The following KHDRBS3 variants were observed in gnomAD, a reference collection of about 807,000 sequenced individuals.
The protein encoded by KHDRBS3 is KH domain-containing, RNA-binding, signal transduction-associated protein 3.
A neutral mutation model predicts 45.6 loss-of-function variants in KHDRBS3; 23 were observed. The observed-to-expected ratio is 0.50, with a 90% CI of 0.36 to 0.72. KHDRBS3 has a LOEUF of 0.72. Among genes scored for constraint, KHDRBS3 ranks in the 30% least tolerant of loss-of-function variants. KHDRBS3 has a pLI of 0.00. For synonymous variants in KHDRBS3, 162 were observed against 156.5 expected, an observed-to-expected ratio of 1.04 and a Z score of -0.26; for missense variants, 352 against 424.8, an observed-to-expected ratio of 0.83 and a Z score of 1.51.
At chr8:135,478,539 T>C (rs1182789955) in intron 1 of KHDRBS3, among the ~76,000 whole-genome samples, 2 of 152,206 alleles carry the variant, frequency 1.3e-5, no homozygotes, top group African/African-American at 2.4e-5. Flanking sequence ...TTTTCTCAAG[T>C]GCACATGAGG....
intron 6 of KHDRBS3, 65 bp from the exon 7 acceptor site, chr8:135,606,890 C>G (rs1424127121): frequency 4.0e-6 from 5 of 1,239,150 alleles, no homozygotes; most frequent in African/African-American, 1.5e-5. Context: ...TCACTAAAAG[C>G]AGAATGCTTC....
intron 6 of KHDRBS3, among the ~76,000 whole-genome samples, chr8:135,586,077 G>GTTT (rs1420677125): frequency 6.6e-6 from 1 of 152,158 alleles, no homozygotes; most frequent in Non-Finnish European, 1.5e-5. Context: ...TCTCATCTCA[G>GTTT]TATAAAAAGG....
At chr8:135,614,785 T>G (rs1386268263) in intron 7 of KHDRBS3, among the ~76,000 whole-genome samples, 1 of 151,730 alleles carries the variant, frequency 6.6e-6, no homozygotes, top group Admixed American at 6.6e-5. Context: ...AAAAATTATT[T>G]GGTGACGCTT....
At chr8:135,620,644 G>T (rs1028178772) in intron 7 of KHDRBS3, among the ~76,000 whole-genome samples, 4 of 152,164 alleles carry the variant, frequency 2.6e-5, no homozygotes, top group African/African-American at 9.7e-5. Context: ...CTAAAATGGT[G>T]CAAACAGGAC....
intron 1 of KHDRBS3, among the ~76,000 whole-genome samples, chr8:135,473,747 T>C (rs562936500): frequency 2.6e-5 from 4 of 152,246 alleles, no homozygotes; most frequent in Admixed American, 1.3e-4. Context: ...GGCTTTCTTA[T>C]TGAAATGGTC....
At chr8:135,609,509 G>T (rs1829621261) in intron 7 of KHDRBS3, among the ~76,000 whole-genome samples, 1 of 152,012 alleles carries the variant, frequency 6.6e-6, no homozygotes. Context: ...TGCTCAGGCT[G>T]GTCTTGAACC....
At chr8:135,593,027 C>T (rs1039150091) in intron 6 of KHDRBS3, among the ~76,000 whole-genome samples, 5 of 151,660 alleles carry the variant, frequency 3.3e-5, no homozygotes, top group East Asian at 1.9e-4. Flanking sequence ...ATTGAGACCC[C>T]GTCTCTGCAA....
chr8:135,535,385 A>G (rs1825695742), intron 2 of KHDRBS3, among the ~76,000 whole-genome samples: 2 of 102,816 alleles, frequency 1.9e-5, no homozygotes, highest in African/African-American at 7.4e-5. Flanking sequence ...ACTATTATAT[A>G]TAGTTAAACT....
chr8:135,654,583 G>T (rs1831494163), intron 4 of KHDRBS3, among the ~76,000 whole-genome samples: 2 of 152,200 alleles, frequency 1.3e-5, no homozygotes, highest in South Asian at 4.1e-4. Context: ...TGCAGGGCGT[G>T]CTGGGTCCAG....
At chr8:135,495,999 A>G (rs188230702) in intron 1 of KHDRBS3, among the ~76,000 whole-genome samples, 121 of 151,958 alleles carry the variant, frequency 8.0e-4, no homozygotes, top group African/African-American at 2.9e-3. Context: ...TGTGCTACAG[A>G]GATATGTATT....
At chr8:135,473,861 C>T (rs113384846) in intron 1 of KHDRBS3, among the ~76,000 whole-genome samples, 3 of 152,290 alleles carry the variant, frequency 2.0e-5, no homozygotes, top group African/African-American at 7.2e-5. Context: ...CTGAAGGAAG[C>T]CCCACCTTCT....
chr8:135,642,902 C>T (rs1831123883), intron 7 of KHDRBS3, among the ~76,000 whole-genome samples: 1 of 152,014 alleles, frequency 6.6e-6, no homozygotes, highest in South Asian at 2.1e-4. Flanking sequence ...AAGCAGTTCC[C>T]CTGCCTCAGC....
At chr8:135,613,976 C>T (rs887695188) in intron 7 of KHDRBS3, among the ~76,000 whole-genome samples, 1 of 151,066 alleles carries the variant, frequency 6.6e-6, no homozygotes, top group African/African-American at 2.4e-5. Flanking sequence ...TTTCAAATAC[C>T]TTGCATTCAA....
At chr8:135,482,718 A>C (rs1822645717) in intron 1 of KHDRBS3, among the ~76,000 whole-genome samples, 1 of 152,090 alleles carries the variant, frequency 6.6e-6, no homozygotes, top group Non-Finnish European at 1.5e-5. Flanking sequence ...ATGGATATAA[A>C]ATGGGCTCTG....
At chr8:135,643,295 C>T (rs1406394666) in intron 7 of KHDRBS3, among the ~76,000 whole-genome samples, 1 of 152,154 alleles carries the variant, frequency 6.6e-6, no homozygotes, top group Non-Finnish European at 1.5e-5. Flanking sequence ...ACTGCATGCT[C>T]CAAGCCATTC....
At chr8:135,573,168 C>T (rs573530837) in intron 5 of KHDRBS3, among the ~76,000 whole-genome samples, 33 of 152,276 alleles carry the variant, frequency 2.2e-4, no homozygotes, top group South Asian at 8.3e-4. Flanking sequence ...CTGGAGTCAG[C>T]TGTGTTTTCC....
chr8:135,466,351 A>G (rs987730211), intron 1 of KHDRBS3, among the ~76,000 whole-genome samples: 2 of 152,184 alleles, frequency 1.3e-5, no homozygotes, highest in Admixed American at 1.3e-4. Context: ...TTTACAGGTA[A>G]GAAGTGGAGG....
At chr8:135,592,922 G>A (rs1188698840) in intron 6 of KHDRBS3, among the ~76,000 whole-genome samples, 1 of 151,930 alleles carries the variant, frequency 6.6e-6, no homozygotes, top group Non-Finnish European at 1.5e-5. Context: ...ATCTTGGTGG[G>A]CCTCGGTGTC....
At chr8:135,459,112 C>T (rs1821288939) in intron 1 of KHDRBS3, among the ~76,000 whole-genome samples, 1 of 152,168 alleles carries the variant, frequency 6.6e-6, no homozygotes, top group East Asian at 1.9e-4. Flanking sequence ...ATCTGCTGCT[C>T]TTAGTGCTCG....
Sources: allele counts gnomAD v4.1 joint callset (sites outside exome capture counted in the v4.1 genomes callset), GRCh38; gene constraint gnomAD v4.1.1; transcripts MANE v1.5; gene names NCBI Gene and HGNC (gene_info 2026-07-23, HGNC 2026-07-21).